ZNF804B: variants seen among roughly 807,000 people sequenced by gnomAD.
The protein encoded by ZNF804B is zinc finger protein 804B, also known as zinc finger 804B.
A neutral mutation model predicts 101.4 loss-of-function variants in ZNF804B; 80 were observed. That is an observed-to-expected ratio of 0.79 (90% CI 0.66 to 0.95). The LOEUF is 0.95. Among genes scored for constraint, ZNF804B ranks in the 40% least tolerant of loss-of-function variants. The pLI is 0.00. For synonymous variants in ZNF804B, 622 were observed against 558.8 expected, an observed-to-expected ratio of 1.11 and a Z score of -1.59; for missense variants, 1,673 against 1,561.9, an observed-to-expected ratio of 1.07 and a Z score of -1.20.
At chr7:89,302,203 T>C (rs1333830148) in intron 2 of ZNF804B, among the ~76,000 whole-genome samples, 1 of 151,816 alleles carries the variant, frequency 6.6e-6, no homozygotes, top group Non-Finnish European at 1.5e-5. Context: ...ATATGATAAT[T>C]TTTTTTGTCC....
At chr7:88,853,760 A>G (rs1044655252) in intron 1 of ZNF804B, among the ~76,000 whole-genome samples, 4 of 152,086 alleles carry the variant, frequency 2.6e-5, no homozygotes, top group East Asian at 3.9e-4. Flanking sequence ...AAATTTCACC[A>G]ATGTATAATA....
intron 1 of ZNF804B, among the ~76,000 whole-genome samples, chr7:89,115,837 T>C (rs1338676258): frequency 1.3e-5 from 2 of 152,138 alleles, no homozygotes; most frequent in Non-Finnish European, 2.9e-5. Context: ...TTTGCCTCTT[T>C]AAAGTCAAGT....
At chr7:88,797,793 C>T (rs1011338293) in intron 1 of ZNF804B, among the ~76,000 whole-genome samples, 7 of 152,044 alleles carry the variant, frequency 4.6e-5, no homozygotes, top group Non-Finnish European at 7.4e-5. Context: ...TACTGTTCCA[C>T]CTCAACTTTC....
intron 1 of ZNF804B, among the ~76,000 whole-genome samples, chr7:88,854,422 T>TCTTTCTTTCTTC (rs1791504749): frequency 1.4e-4 from 14 of 100,824 alleles, no homozygotes; most frequent in South Asian, 3.5e-4. Flanking sequence ...TTCCTTTCTT[T>TCTTTCTTTCTTC]CTTTCTTTCT....
intron 1 of ZNF804B, among the ~76,000 whole-genome samples, chr7:88,944,157 A>C (rs12535041): frequency 0.04 from 6,073 of 151,862 alleles, 243 homozygotes; most frequent in East Asian, 0.17. Flanking sequence ...AATGTTTAAC[A>C]TTGTACTGGT....
chr7:89,127,915 A>T (rs938282889), intron 1 of ZNF804B, among the ~76,000 whole-genome samples: 1 of 151,696 alleles, frequency 6.6e-6, no homozygotes, highest in African/African-American at 2.4e-5. Context: ...TTATTTTCAT[A>T]TAAAAACTTC....
chr7:89,268,020 A>G (rs929517143), intron 2 of ZNF804B, among the ~76,000 whole-genome samples: 21 of 152,106 alleles, frequency 1.4e-4, no homozygotes, highest in Non-Finnish European at 2.6e-4. Flanking sequence ...GGTAATCTAA[A>G]GGCTGCCCAC....
At chr7:89,318,907 T>C (rs1790771233) in intron 2 of ZNF804B, among the ~76,000 whole-genome samples, 1 of 152,036 alleles carries the variant, frequency 6.6e-6, no homozygotes, top group Admixed American at 6.5e-5. Context: ...TTTACCCACA[T>C]ATTTATTAAC....
chr7:88,952,130 C>T (rs1250412125), intron 1 of ZNF804B, among the ~76,000 whole-genome samples: 2 of 151,776 alleles, frequency 1.3e-5, no homozygotes, highest in Non-Finnish European at 2.9e-5. Context: ...GTAAAGCTCA[C>T]TTCTCAGATT....
chr7:89,181,950 A>C (rs1168885168), intron 1 of ZNF804B, among the ~76,000 whole-genome samples: 1 of 152,202 alleles, frequency 6.6e-6, no homozygotes, highest in Admixed American at 6.5e-5. Flanking sequence ...TTTATATACC[A>C]GTTTATTCTC....
chr7:89,012,466 T>C (rs563523623), intron 1 of ZNF804B, among the ~76,000 whole-genome samples: 2 of 152,290 alleles, frequency 1.3e-5, no homozygotes, highest in Non-Finnish European at 2.9e-5. Context: ...TGCTCTGCTT[T>C]CCTTTTAAAC....
intron 1 of ZNF804B, among the ~76,000 whole-genome samples, chr7:89,197,338 A>G (rs563278214): frequency 3.2e-4 from 48 of 152,078 alleles, no homozygotes; most frequent in African/African-American, 1.1e-3. Flanking sequence ...TCCAGGGACA[A>G]TATGCGTTGC....
intron 1 of ZNF804B, among the ~76,000 whole-genome samples, chr7:89,054,074 G>A (rs965538501): frequency 4.6e-5 from 7 of 151,720 alleles, no homozygotes; most frequent in Non-Finnish European, 5.9e-5. Flanking sequence ...TCTTAAAATT[G>A]TTCACCAAAT....
At chr7:88,769,076 G>A (rs757400947) in intron 1 of ZNF804B, among the ~76,000 whole-genome samples, 3 of 152,118 alleles carry the variant, frequency 2.0e-5, no homozygotes, top group Admixed American at 1.3e-4. Context: ...GTGTGCATGC[G>A]TATATACACC....
chr7:89,050,145 G>C (rs7795086), intron 1 of ZNF804B, among the ~76,000 whole-genome samples: 1 of 151,852 alleles, frequency 6.6e-6, no homozygotes, highest in Non-Finnish European at 1.5e-5. Flanking sequence ...ATTTAAAATC[G>C]TATTTCGGAA....
At chr7:89,200,295 G>A (rs973931231) in intron 1 of ZNF804B, among the ~76,000 whole-genome samples, 3 of 151,838 alleles carry the variant, frequency 2.0e-5, no homozygotes, top group African/African-American at 7.3e-5. Flanking sequence ...TTAATATAGG[G>A]ACAATACCTT....
chr7:88,963,350 G>A (rs1012491979), intron 1 of ZNF804B, among the ~76,000 whole-genome samples: 24 of 151,274 alleles, frequency 1.6e-4, no homozygotes, highest in Non-Finnish European at 3.1e-4. Flanking sequence ...CAGAGAGCAC[G>A]AAAGTAAGTC....
At chr7:89,201,319 A>G (rs560714481) in intron 1 of ZNF804B, among the ~76,000 whole-genome samples, 12 of 152,178 alleles carry the variant, frequency 7.9e-5, no homozygotes, top group African/African-American at 2.4e-4. Flanking sequence ...GAAGCAAAAG[A>G]TTCTATAGAA....
chr7:89,323,095 C>A (rs1236625705), intron 2 of ZNF804B, among the ~76,000 whole-genome samples: 1 of 152,196 alleles, frequency 6.6e-6, no homozygotes, highest in Non-Finnish European at 1.5e-5. Flanking sequence ...GAGCTTGCCT[C>A]TTCTCTCTGG....
Sources: allele counts gnomAD v4.1 joint callset (sites outside exome capture counted in the v4.1 genomes callset), GRCh38; gene constraint gnomAD v4.1.1; transcripts MANE v1.5; gene names NCBI Gene and HGNC (gene_info 2026-07-23, HGNC 2026-07-21).